The following PCDHGA9 variants were observed in gnomAD, a reference collection of about 807,000 sequenced individuals.
The protein encoded by PCDHGA9 is protocadherin gamma-A9.
Under a neutral mutation model 62.5 loss-of-function variants are expected in PCDHGA9, and 37 were observed. That is an observed-to-expected ratio of 0.59 (90% CI 0.46 to 0.78). The LOEUF is 0.78. Ranked by LOEUF, PCDHGA9 falls within the 30% of genes least tolerant of loss-of-function variation. The probability of loss-of-function intolerance (pLI) is 0.00; values close to 1 mark genes in which losing one functional copy is unlikely to be tolerated. For missense variants in PCDHGA9, 1,138 were observed against 1,166.2 expected (o/e 0.98, Z 0.35); for synonymous variants, 459 against 484.6 (o/e 0.95, Z 0.69).
intron 1 of PCDHGA9, chr5:141,423,295 C>A: frequency 6.2e-7 from 1 of 1,614,146 alleles, no homozygotes; most frequent in Non-Finnish European, 8.5e-7. Context: ...AACCTCAGAC[C>A]TCTCGCTGTA....
intron 1 of PCDHGA9, chr5:141,426,336 C>T (rs779025306): frequency 1.7e-4 from 31 of 187,682 alleles, no homozygotes; most frequent in Non-Finnish European, 2.8e-4. Context: ...GGCAAGCACT[C>T]TTCCCTTTCC....
intron 1 of PCDHGA9, chr5:141,424,468 C>A (rs1301878037): frequency 1.3e-5 from 2 of 152,072 alleles, no homozygotes; most frequent in South Asian, 2.1e-4. Context: ...TCCTTTTATT[C>A]TTTTACTTTG....
rs779949480 is a variant in PCDHGA9, at chr5:141,489,768, C to G, written c.2425-5039C>G. The G allele has an allele frequency of 6.2e-7, 1 of 1,614,134 alleles. No individual in the cohort carries two copies. The highest frequency in any genetic ancestry group is 1.1e-5 in the South Asian group (1 of 91,072). On this transcript the variant is annotated intron_variant, in intron 1 of 3. Coordinates refer to ENST00000573521, the MANE Select transcript of PCDHGA9 (RefSeq NM_018921.3). The surrounding 1 kb of genome is among the most constrained non-coding windows in gnomAD (Gnocchi z 4.5). ...GCTTTTACACTCTAAGCCCCAACAG[C>G]CACTTCTCTCTGAATGTGAAGACCC...
chr5:141,472,980 C>CAAAAAAAAAAAAAAAAAGAAAAAAAAA (rs2099309731), intron 1 of PCDHGA9, among the ~76,000 whole-genome samples: 1 of 86,106 alleles, frequency 1.2e-5, no homozygotes, highest in Non-Finnish European at 2.5e-5. Flanking sequence ...GAGTGAAACT[C>CAAAAAAAAAAAAAAAAAGAAAAAAAAA]AAAAAAAAAA....
In PCDHGA9 at chr5:141,415,509, T is replaced by C. The variant is rs1296405723; in HGVS notation, c.2424+10133T>C. The C allele has an allele frequency of 4.3e-6, 7 of 1,614,054 alleles. No individual in the cohort carries two copies. In the Admixed American group the frequency reaches 5.0e-5, roughly 12 times the overall value. On this transcript the variant is annotated intron_variant, in intron 1 of 3. Transcript: ENST00000573521. ...GTCACCTGATCTTCCCCCAGCCCAA[T>C]TATGCGGACACGCTCATCAGCCAGG...
At chr5:141,421,618 G>T (rs748399893) in intron 1 of PCDHGA9, 1 of 1,613,766 alleles carries the variant, frequency 6.2e-7, no homozygotes, top group Non-Finnish European at 8.5e-7. Flanking sequence ...TAATGATAAC[G>T]CCCCCAGCTT....
At chr5:141,455,899 ATTTATTT>A (rs1441561749) in intron 1 of PCDHGA9, among the ~76,000 whole-genome samples, 5 of 148,258 alleles carry the variant, frequency 3.4e-5, no homozygotes, top group African/African-American at 1.2e-4. Context: ...TTATTTATTT[ATTTATTT>A]ATTTATTTTG....
At chr5:141,408,213 G>A in intron 1 of PCDHGA9, 1 of 1,554,970 alleles carries the variant, frequency 6.4e-7, no homozygotes, top group South Asian at 1.2e-5. Flanking sequence ...ATGGGAGGGA[G>A]CTGCGCGCAG....
chr5:141,481,934 AAT>A (rs1245984926), intron 1 of PCDHGA9, among the ~76,000 whole-genome samples: 5 of 147,494 alleles, frequency 3.4e-5, no homozygotes, highest in Admixed American at 3.4e-4. Flanking sequence ...AAAAAAAAAA[AAT>A]CAGCCAGATG....
chr5:141,485,625 G>A lies in PCDHGA9; in HGVS notation c.2425-9182G>A, dbSNP rs1458191111. On this transcript the variant is annotated intron_variant, in intron 1 of 3. Coordinates refer to ENST00000573521, the MANE Select transcript of PCDHGA9 (RefSeq NM_018921.3). This position sits in a 1 kb window ranked among gnomAD's most constrained non-coding sequence, Gnocchi z 5.7. ...GGGGAGGCAGCTCCTCCAGGACAGC[G>A]TTTCCCGTTGGAAAAGGCTCAGGAT... is the stretch of plus-strand genomic sequence containing the variant. The A allele has an allele frequency of 1.2e-6, 2 of 1,611,968 alleles. No homozygotes were observed. The highest frequency in any genetic ancestry group is 3.3e-5 in the Admixed American group (2 of 59,916).
chr5:141,430,773 G>A (rs375524585), intron 1 of PCDHGA9: 2 of 1,507,932 alleles, frequency 1.3e-6, no homozygotes, highest in Non-Finnish European at 1.8e-6. Flanking sequence ...ATTCCTGCGC[G>A]ACTGCACCGG....
At chr5:141,417,213 G>A (rs1470553702) in intron 1 of PCDHGA9, 2 of 152,108 alleles carry the variant, frequency 1.3e-5, no homozygotes, top group African/African-American at 4.8e-5. Context: ...GGCTAGAATT[G>A]AAGACAAAAA....
At position 141,431,119 on chromosome 5, in the gene PCDHGA9, A is replaced by C. The variant is rs147514897; in HGVS notation, c.2424+25743A>C. 1.2e-6 allele frequency: 2 copies of C among 1,614,134 alleles called. No individual in the cohort carries two copies. The highest frequency in any genetic ancestry group is 2.7e-5 in the African/African-American group (2 of 74,956). ...ATAAAGTGAAAATATATGGAGTAGA[A>C]GTAGAAGTAAGGGACATTAACGACA... On this transcript the variant is annotated intron_variant, in intron 1 of 3. Coordinates refer to ENST00000573521, the MANE Select transcript of PCDHGA9 (RefSeq NM_018921.3). The surrounding 1 kb of genome is among the most constrained non-coding windows in gnomAD (Gnocchi z 4.8).
At chr5:141,461,892 C>T (rs976827774) in intron 1 of PCDHGA9, among the ~76,000 whole-genome samples, 2 of 152,030 alleles carry the variant, frequency 1.3e-5, no homozygotes, top group Non-Finnish European at 2.9e-5. Context: ...GGCACGATCT[C>T]GGCTCACTGC....
intron 1 of PCDHGA9, among the ~76,000 whole-genome samples, chr5:141,439,398 T>C (rs2098110369): frequency 6.6e-6 from 1 of 152,212 alleles, no homozygotes; most frequent in Admixed American, 6.5e-5. Context: ...TTCGACTTCA[T>C]GTGCTAACAT....
In PCDHGA9 at chr5:141,490,023, G is replaced by A. The variant is rs1306715385; in HGVS notation, c.2425-4784G>A. The A allele has an allele frequency of 1.2e-6, 2 of 1,614,134 alleles. No homozygotes were observed. Among genetic ancestry groups the A allele is most frequent in the Non-Finnish European group, 1.7e-6 (2 of 1,180,060 alleles). On this transcript the variant is annotated intron_variant, in intron 1 of 3. Transcript: ENST00000573521. This position sits in a 1 kb window ranked among gnomAD's most constrained non-coding sequence, Gnocchi z 5.4. ...AGAATGCACCCATTGGTACTCTGCT[G>A]CTCCGCCTCAATGCCACTGATCCAG... is the stretch of plus-strand genomic sequence containing the variant.
At chr5:141,451,315 T>A (rs2154563546) in intron 1 of PCDHGA9, among the ~76,000 whole-genome samples, 1 of 152,330 alleles carries the variant, frequency 6.6e-6, no homozygotes, top group South Asian at 2.1e-4. Context: ...GCAATTAAAG[T>A]GTCACCTAAG....
intron 1 of PCDHGA9, chr5:141,478,776 A>G (rs961079570): frequency 1.3e-6 from 2 of 1,488,690 alleles, no homozygotes; most frequent in East Asian, 2.5e-5. Flanking sequence ...TCATCTGTGG[A>G]CCTAATTCAC....
At chr5:141,444,152 A>ATTTTTTTTTTTT (rs747671382) in intron 1 of PCDHGA9, among the ~76,000 whole-genome samples, 4 of 33,898 alleles carry the variant, frequency 1.2e-4, no homozygotes, top group Admixed American at 3.9e-4. Flanking sequence ...TGTGTACTGG[A>ATTTTTTTTTTTT]TTTTTTTTTT....
Sources: gnomAD v4.1 joint callset for allele counts (sites outside exome capture counted in the v4.1 genomes callset) on GRCh38, gnomAD v4.1.1 for gene constraint, Gnocchi (gnomAD v3.1) non-coding constraint, MANE v1.5 for transcripts, NCBI Gene and HGNC (gene_info 2026-07-23, HGNC 2026-07-21) for gene names.